Variants in CDK5RAP3 observed in about 807,000 individuals in gnomAD.
The protein encoded by CDK5RAP3 is CDK5 regulatory subunit associated protein 3.
A neutral mutation model predicts 73.3 loss-of-function variants in CDK5RAP3; 58 were observed. The ratio of observed to expected loss-of-function variants is 0.79; its 90% CI spans 0.64 to 0.98. CDK5RAP3 has a LOEUF of 0.98. Ranked by LOEUF, CDK5RAP3 falls within the 50% of genes least tolerant of loss-of-function variation. The pLI, the probability that CDK5RAP3 is intolerant of heterozygous loss-of-function variation, is 0.00. For synonymous variants in CDK5RAP3, 224 were observed against 247.5 expected, an observed-to-expected ratio of 0.91 and a Z score of 0.89; for missense variants, 525 against 615.8, an observed-to-expected ratio of 0.85 and a Z score of 1.56.
At chr17:47,979,068 C>A in intron 11 of CDK5RAP3, 151 bp downstream of exon 11, 1 of 629,566 alleles carries the variant, frequency 1.6e-6, no homozygotes, top group Non-Finnish European at 2.9e-6. Context: ...TAGATGCCTC[C>A]TATTCATCCA....
chr17:47,970,491 C>T (rs184351054), upstream of CDK5RAP3: 33 of 644,120 alleles, frequency 5.1e-5, no homozygotes, highest in East Asian at 4.5e-4. Context: ...TAAAACTCCT[C>T]TTCCCACATC....
chr17:47,980,921 G>C (rs867096051), intron 12 of CDK5RAP3, 123 bp downstream of exon 12: 9 of 1,055,126 alleles, frequency 8.5e-6, no homozygotes, highest in African/African-American at 6.3e-5. Flanking sequence ...CATCCACTGG[G>C]GATAGGGGTT....
intron 5 of CDK5RAP3, 164 bp from the exon 6 acceptor site, chr17:47,974,995 A>AT: frequency 6.5e-7 from 1 of 1,534,894 alleles, no homozygotes; most frequent in African/African-American, 1.4e-5. Flanking sequence ...TGAGGGTTGG[A>AT]TTAGAGGGGT....
chr17:47,971,442 G>T (rs547517744), intron 2 of CDK5RAP3, 35 bp downstream of exon 2: 15 of 1,568,462 alleles, frequency 9.6e-6, no homozygotes, highest in South Asian at 1.2e-5. Context: ...CTGGCTGTCG[G>T]GGGGAGGCCT....
Position 47,973,572 on chromosome 17 carries a change from A to G in CDK5RAP3, c.106A>G (p.Thr36Ala). The change falls in exon 3 of 14, where the codon ACG becomes GCG. Residue 36 changes from threonine (T) to alanine (A), a missense_variant. This residue lies in a region of CDK5RAP3 where 409 missense variants were observed against 429.8 expected (regional missense o/e 0.95). Transcript: ENST00000338399. ...CCTGAAATGGCAGAGTCTGGTGCTGACGATCCGCGAGAAGATCAATGCTGC... is the reference window on the plus strand; with the variant it reads ...CCTGAAATGGCAGAGTCTGGTGCTGGCGATCCGCGAGAAGATCAATGCTGC... The part of the protein sequence containing the change: ...CSLKWQSLVL[T>A]IREKINAAIQ... The G allele has an allele frequency of 6.2e-7, 1 of 1,614,158 alleles. No homozygotes were observed. Among genetic ancestry groups the G allele is most frequent in the Non-Finnish European group, 8.5e-7 (1 of 1,180,012 alleles).
At chr17:47,968,244 CT>C (rs1318766115), upstream of CDK5RAP3, among the ~76,000 whole-genome samples, 2 of 152,050 alleles carry the variant, frequency 1.3e-5, no homozygotes, top group Non-Finnish European at 2.9e-5. Context: ...TGAAAAGGCC[CT>C]TAATTCAGCT....
chr17:47,979,255 C>A, intron 11 of CDK5RAP3: 1 of 203,774 alleles, frequency 4.9e-6, no homozygotes, highest in African/African-American at 2.3e-5. Flanking sequence ...CCAAATGCCA[C>A]GGAGAAAGAG....
chr17:47,976,845 T>A, intron 9 of CDK5RAP3, 23 bp downstream of exon 9: 1 of 1,443,846 alleles, frequency 6.9e-7, no homozygotes. Flanking sequence ...TCTCAGTCTG[T>A]CTCTCTCTGA....
In CDK5RAP3 at chr17:47,975,589, G is replaced by A; in HGVS notation, c.589G>A (p.Ala197Thr). The A allele has an allele frequency of 1.2e-6, 2 of 1,609,532 alleles. No individual in the cohort carries two copies. The highest frequency in any genetic ancestry group is 1.6e-4 in the Middle Eastern group (1 of 6,062). Reference sequence around the variant, plus strand: ...TCAGCTGGCTGAGATTGGGGCAGCGGCTCAGCAGTCCCTGGGGGAAGCCAT... The same window carrying A: ...TCAGCTGGCTGAGATTGGGGCAGCGACTCAGCAGTCCCTGGGGGAAGCCAT... ...PSQLAEIGAA[A>T]QQSLGEAIDV... is the part of the protein sequence containing the mutation. The change falls in exon 7 of 14, where the codon GCT (alanine) becomes ACT (threonine). Residue 197 changes from alanine to threonine, a missense_variant. Ala to Thr is a moderately conservative substitution (Grantham distance 58, BLOSUM62 0). This residue lies in a region of CDK5RAP3 where 409 missense variants were observed against 429.8 expected (regional missense o/e 0.95). Transcript: ENST00000338399.
At chr17:47,977,991 G>T (rs1013764499) in intron 10 of CDK5RAP3, 81 bp downstream of exon 10, 13 of 972,582 alleles carry the variant, frequency 1.3e-5, no homozygotes, top group Non-Finnish European at 2.1e-5. Context: ...AAAATGCAGC[G>T]CTAAGATGAG....
chr17:47,971,256 C>A, intron 1 of CDK5RAP3, 104 bp downstream of exon 1: 1 of 1,537,208 alleles, frequency 6.5e-7, no homozygotes, highest in Non-Finnish European at 8.8e-7. Flanking sequence ...TCGCTCTGGC[C>A]CCGTTCTGGC....
At chr17:47,978,516 A>G (rs974265863) in intron 10 of CDK5RAP3, 36 of 333,946 alleles carry the variant, frequency 1.1e-4, no homozygotes, top group Non-Finnish European at 1.6e-4. Context: ...GAGAAGACGT[A>G]GTGGTGTCTG....
chr17:47,976,488 T>C (rs1040606443), intron 8 of CDK5RAP3: 1 of 442,860 alleles, frequency 2.3e-6, no homozygotes, highest in Non-Finnish European at 4.1e-6. Flanking sequence ...GCCTCCAAGA[T>C]AGCTGGGATT....
At chr17:47,971,690 C>T (rs562707019) in intron 2 of CDK5RAP3, among the ~76,000 whole-genome samples, 78 of 152,242 alleles carry the variant, frequency 5.1e-4, no homozygotes, top group Middle Eastern at 3.4e-3. Flanking sequence ...TCAACCACTG[C>T]CGGGCGCGGT....
intron 11 of CDK5RAP3, 80 bp downstream of exon 11, chr17:47,978,997 C>A: frequency 1.9e-6 from 2 of 1,042,548 alleles, no homozygotes; most frequent in Non-Finnish European, 3.0e-6. Flanking sequence ...TGACCTGACC[C>A]CTCCTGTTTG....
In CDK5RAP3 at chr17:47,976,683, A is replaced by G. The variant is rs564386294; in HGVS notation, c.799-29A>G. The G allele has an allele frequency of 4.0e-5, 59 of 1,488,564 alleles. No homozygotes were observed. The East Asian group carries it at 1.0e-3, about 25-fold the overall frequency. The allele number at this position is 1,488,564 out of a possible 1,614,324, so 92.2% of individuals were successfully genotyped here. On this transcript the variant is annotated intron_variant, in intron 8 of 13. Coordinates refer to ENST00000338399, the MANE Select transcript of CDK5RAP3 (RefSeq NM_176096.3). ...CCGGCCCTTTTTAAATCCATCTTCC[A>G]TGAGCTAACACTCTCTTTCCCTTTC...
chr17:47,970,864 G>T, upstream of CDK5RAP3: 2 of 1,413,932 alleles, frequency 1.4e-6, no homozygotes, highest in South Asian at 1.4e-5. Context: ...TCCCACGGCC[G>T]CTGCAGCGCA....
At chr17:47,976,342 G>A in intron 8 of CDK5RAP3, 1 of 375,108 alleles carries the variant, frequency 2.7e-6, no homozygotes, top group Non-Finnish European at 4.9e-6. Flanking sequence ...CTGTGGGAAG[G>A]CAGCCCCACC....
chr17:47,969,994 C>T (rs1375416145), upstream of CDK5RAP3, among the ~76,000 whole-genome samples: 2 of 152,188 alleles, frequency 1.3e-5, no homozygotes, highest in Admixed American at 6.5e-5. Context: ...ACATTTTCCT[C>T]CTAAATATTC....
Sources: allele counts gnomAD v4.1 joint callset (sites outside exome capture counted in the v4.1 genomes callset), GRCh38; gene constraint gnomAD v4.1.1; regional missense constraint gnomAD v4.1.1; transcripts MANE v1.5; gene names NCBI Gene and HGNC (gene_info 2026-07-23, HGNC 2026-07-21).